The following IL1RAPL1 variants were observed in gnomAD, a reference collection of about 807,000 sequenced individuals.
The protein encoded by IL1RAPL1 is interleukin-1 receptor accessory protein-like 1.
Under a neutral mutation model 48.4 loss-of-function variants are expected in IL1RAPL1, and 3 were observed. The observed-to-expected ratio is 0.06, with a 90% confidence interval of 0.03 to 0.16. The LOEUF (loss-of-function observed/expected upper bound fraction) is 0.16, where lower values mean the gene tolerates loss of function less well. Among genes scored for constraint, IL1RAPL1 ranks in the 10% least tolerant of loss-of-function variants. The pLI, the probability that IL1RAPL1 is intolerant of heterozygous loss-of-function variation, is 1.00. For synonymous variants in IL1RAPL1, 185 were observed against 187.7 expected, an observed-to-expected ratio of 0.99 and a Z score of 0.12; for missense variants, 349 against 530.6, an observed-to-expected ratio of 0.66 and a Z score of 3.36.
intron 1 of IL1RAPL1, among the ~76,000 whole-genome samples, chrX:28,674,799 T>C (rs774449368): frequency 8.9e-6 from 1 of 112,122 alleles, no homozygotes; most frequent in Admixed American, 9.5e-5. Flanking sequence ...CATAAGTTTA[T>C]GTAGTATTCA....
intron 3 of IL1RAPL1, among the ~76,000 whole-genome samples, chrX:29,319,141 G>T (rs1276697044): frequency 1.4e-5 from 1 of 73,977 alleles, no homozygotes; most frequent in Non-Finnish European, 2.4e-5. Flanking sequence ...ACATACGTAT[G>T]ATATCTGTCT....
chrX:29,234,564 A>G (rs1569266030), intron 2 of IL1RAPL1, among the ~76,000 whole-genome samples: 1 of 112,174 alleles, frequency 8.9e-6, no homozygotes, highest in Non-Finnish European at 1.9e-5. Context: ...TGACTGATGG[A>G]CTCAATGAAT....
chrX:28,965,986 A>G (rs1374000399), intron 2 of IL1RAPL1, among the ~76,000 whole-genome samples: 1 of 111,642 alleles, frequency 9.0e-6, no homozygotes, highest in Non-Finnish European at 1.9e-5. Context: ...ATTCTTTGAA[A>G]TGGGTTAGAT....
chrX:29,898,262 A>G (rs1044603499), intron 6 of IL1RAPL1, among the ~76,000 whole-genome samples: 7 of 112,171 alleles, frequency 6.2e-5, no homozygotes, highest in Admixed American at 1.9e-4. Flanking sequence ...AACTTTATTC[A>G]TTTTGTCTTA....
At chrX:29,547,447 T>C (rs1186932249) in intron 5 of IL1RAPL1, among the ~76,000 whole-genome samples, 4 of 111,372 alleles carry the variant, frequency 3.6e-5, no homozygotes, top group Non-Finnish European at 7.5e-5. Flanking sequence ...AGAGAATAAC[T>C]AATTTTTCAA....
intron 6 of IL1RAPL1, among the ~76,000 whole-genome samples, chrX:29,670,457 A>T (rs1009230357): frequency 3.0e-4 from 34 of 111,733 alleles, no homozygotes; most frequent in African/African-American, 1.0e-3. Flanking sequence ...AGCAACTTTT[A>T]TTTTGTTGTG....
intron 8 of IL1RAPL1, among the ~76,000 whole-genome samples, chrX:29,926,012 CTTTT>C (rs750562613): frequency 4.0e-5 from 4 of 101,087 alleles, no homozygotes; most frequent in African/African-American, 1.1e-4. Context: ...GTTTTGAAGG[CTTTT>C]TTTTTTTTTT....
chrX:28,992,431 A>G (rs1293098081), intron 2 of IL1RAPL1, among the ~76,000 whole-genome samples: 3 of 101,849 alleles, frequency 2.9e-5, no homozygotes, highest in African/African-American at 1.1e-4. Context: ...CGGAGGTTGC[A>G]GTGAGCTGAG....
At chrX:29,648,222 T>G in intron 5 of IL1RAPL1, among the ~76,000 whole-genome samples, 1 of 111,973 alleles carries the variant, frequency 8.9e-6, no homozygotes, top group Non-Finnish European at 1.9e-5. Context: ...CAACCCACTT[T>G]CAGCAATGGA....
intron 2 of IL1RAPL1, among the ~76,000 whole-genome samples, chrX:29,277,037 A>G (rs777492741): frequency 1.8e-5 from 2 of 112,675 alleles, no homozygotes; most frequent in East Asian, 5.6e-4. Context: ...GAAAGTATGT[A>G]TTAACTAAAG....
At chrX:28,594,506 G>A (rs1006022251) in intron 1 of IL1RAPL1, among the ~76,000 whole-genome samples, 1 of 111,767 alleles carries the variant, frequency 8.9e-6, no homozygotes, top group Non-Finnish European at 1.9e-5. Context: ...AGGAGTAAGG[G>A]ATGCCCCATT....
In IL1RAPL1 at chrX:29,567,930, G is replaced by A. The variant is rs767105393; in HGVS notation, c.704-100500G>A. On this transcript the variant is annotated intron_variant, in intron 5 of 10. Transcript: ENST00000378993. ...AAGTTTTGGACAGAACCAGAAACTG[G>A]CTGGATTGAGAGACAACATTTTTAT... Among the ~76,000 whole-genome samples the A allele has an allele frequency of 3.6e-5, 4 of 110,740 alleles. No individual in the cohort carries two copies. In the South Asian group the frequency reaches 1.5e-3, roughly 43 times the overall value.
rs773148170 is a variant in IL1RAPL1 at position 29,002,176 on chromosome X, A to G, written c.82+212751A>G. ...TAGCCTCCCAAAGTGTTGGTATTAC[A>G]GGCATGAGCCACCATGCCAGGCCCC... is the stretch of plus-strand genomic sequence containing the variant. On this transcript the variant is annotated intron_variant, in intron 2 of 10. Transcript: ENST00000378993. Among the ~76,000 whole-genome samples, 5 of 110,934 alleles carry G rather than the reference A, an allele frequency of 4.5e-5. No individual in the cohort carries two copies. In the South Asian group the frequency reaches 1.9e-3, roughly 43 times the overall value.
At chrX:29,432,450 C>T (rs1451556782) in intron 5 of IL1RAPL1, among the ~76,000 whole-genome samples, 2 of 111,008 alleles carry the variant, frequency 1.8e-5, no homozygotes, top group African/African-American at 6.5e-5. Flanking sequence ...CACATATGGC[C>T]TCATCTCTTT....
intron 6 of IL1RAPL1, among the ~76,000 whole-genome samples, chrX:29,827,239 A>G (rs1324491188): frequency 8.9e-6 from 1 of 112,411 alleles, no homozygotes; most frequent in Non-Finnish European, 1.9e-5. Context: ...ACTTACTCCT[A>G]GCAAATAGAA....
At chrX:29,637,353 G>T (rs1453900404) in intron 5 of IL1RAPL1, among the ~76,000 whole-genome samples, 2 of 107,417 alleles carry the variant, frequency 1.9e-5, no homozygotes, top group Non-Finnish European at 3.8e-5. Flanking sequence ...GTATAAAAAT[G>T]GAATGGAAGA....
chrX:28,863,227 T>C (rs764746879), intron 2 of IL1RAPL1, among the ~76,000 whole-genome samples: 18 of 111,298 alleles, frequency 1.6e-4, no homozygotes, highest in African/African-American at 5.2e-4. Flanking sequence ...AAACTTTTTA[T>C]ACAAAGAGCC....
At chrX:29,372,601 G>A (rs949422218) in intron 3 of IL1RAPL1, among the ~76,000 whole-genome samples, 1 of 110,791 alleles carries the variant, frequency 9.0e-6, no homozygotes. Context: ...TATGGTGAAA[G>A]GTAGGGGTCC....
intron 5 of IL1RAPL1, among the ~76,000 whole-genome samples, chrX:29,430,340 A>G (rs918285862): frequency 9.0e-6 from 1 of 111,076 alleles, no homozygotes; most frequent in Non-Finnish European, 1.9e-5. Flanking sequence ...AGTGGTAAAA[A>G]TGTTTCATCG....
Sources: gnomAD v4.1 joint callset for allele counts (sites outside exome capture counted in the v4.1 genomes callset) on GRCh38, gnomAD v4.1.1 for gene constraint, MANE v1.5 for transcripts, NCBI Gene and HGNC (gene_info 2026-07-23, HGNC 2026-07-21) for gene names.